Variants in THADA observed in about 807,000 individuals in gnomAD.
THADA encodes tRNA (32-2'-O)-methyltransferase regulator THADA.
A neutral mutation model predicts 219.8 loss-of-function variants in THADA; 213 were observed. The ratio of observed to expected loss-of-function variants is 0.97; its 90% CI spans 0.87 to 1.09. THADA has a LOEUF of 1.09. Among genes scored for constraint, THADA ranks in the 50% least tolerant of loss-of-function variants. The pLI, the probability that THADA is intolerant of heterozygous loss-of-function variation, is 0.00. For missense variants in THADA, 2,956 were observed against 2,311.3 expected (o/e 1.28, Z -5.72); for synonymous variants, 1,018 against 828.9 (o/e 1.23, Z -3.92).
chr2:43,364,607 T>C (rs1365402676), intron 29 of THADA, among the ~76,000 whole-genome samples: 1 of 152,244 alleles, frequency 6.6e-6, no homozygotes, highest in Non-Finnish European at 1.5e-5. Context: ...ACTGACACCA[T>C]GTACTGCATT....
At chr2:43,324,245 A>G (rs1235810016) in intron 30 of THADA, among the ~76,000 whole-genome samples, 1 of 152,238 alleles carries the variant, frequency 6.6e-6, no homozygotes, top group African/African-American at 2.4e-5. Context: ...GACGATCTTT[A>G]GAGCCTTCTG....
chr2:43,440,739 G>A (rs948661743), intron 26 of THADA, among the ~76,000 whole-genome samples: 1 of 152,160 alleles, frequency 6.6e-6, no homozygotes, highest in East Asian at 1.9e-4. Context: ...TTTCTTGGTT[G>A]AGTAAGAAAC....
chr2:43,430,588 C>T (rs961699603), intron 26 of THADA: 4 of 478,352 alleles, frequency 8.4e-6, no homozygotes, highest in East Asian at 6.1e-5. Flanking sequence ...GTAATCTGTG[C>T]CAATGCCAAG....
intron 30 of THADA, among the ~76,000 whole-genome samples, chr2:43,336,010 T>G (rs910571186): frequency 6.6e-5 from 10 of 150,924 alleles, no homozygotes; most frequent in African/African-American, 2.0e-4. Context: ...GGCAGGAGAA[T>G]GGCGTGAACC....
At chr2:43,395,759 T>C (rs1673953647) in intron 29 of THADA, among the ~76,000 whole-genome samples, 1 of 152,160 alleles carries the variant, frequency 6.6e-6, no homozygotes, top group Non-Finnish European at 1.5e-5. Flanking sequence ...AAGTTTACTT[T>C]TTTCTTTTTT....
At chr2:43,366,774 T>G (rs1285661930) in intron 29 of THADA, among the ~76,000 whole-genome samples, 1 of 152,158 alleles carries the variant, frequency 6.6e-6, no homozygotes, top group Non-Finnish European at 1.5e-5. Context: ...CAATACTACA[T>G]CTAGGGATAT....
chr2:43,525,039 C>G (rs1052615151), intron 22 of THADA, among the ~76,000 whole-genome samples: 20 of 152,182 alleles, frequency 1.3e-4, no homozygotes, highest in Non-Finnish European at 2.9e-4. Context: ...AACTAATCCC[C>G]TATCTCTAAC....
intron 30 of THADA, among the ~76,000 whole-genome samples, chr2:43,338,614 T>G (rs753148681): frequency 1.3e-5 from 2 of 152,238 alleles, no homozygotes; most frequent in Non-Finnish European, 1.5e-5. Flanking sequence ...ATATAGTATT[T>G]GTCTTTTTGT....
chr2:43,540,527 A>C (rs1207876672), intron 21 of THADA, among the ~76,000 whole-genome samples: 1 of 152,244 alleles, frequency 6.6e-6, no homozygotes, highest in Non-Finnish European at 1.5e-5. Flanking sequence ...TCTTTGCTGA[A>C]AAATGGTGGG....
intron 26 of THADA, among the ~76,000 whole-genome samples, chr2:43,441,436 C>T (rs188230853): frequency 6.6e-6 from 1 of 152,278 alleles, no homozygotes; most frequent in East Asian, 1.9e-4. Context: ...GAAGGATATG[C>T]AACATTAACA....
intron 19 of THADA, among the ~76,000 whole-genome samples, chr2:43,550,778 T>C (rs910519895): frequency 3.3e-5 from 5 of 152,200 alleles, no homozygotes; most frequent in African/African-American, 9.7e-5. Context: ...AGCTATAAGA[T>C]TGCATGTTCC....
chr2:43,579,386 T>C (rs2104075781), intron 8 of THADA, among the ~76,000 whole-genome samples: 1 of 152,358 alleles, frequency 6.6e-6, no homozygotes, highest in East Asian at 1.9e-4. Flanking sequence ...GCACTGACAC[T>C]GTACCCATAG....
At chr2:43,246,628 C>T (rs1669185801) in intron 36 of THADA, among the ~76,000 whole-genome samples, 1 of 152,168 alleles carries the variant, frequency 6.6e-6, no homozygotes, top group Non-Finnish European at 1.5e-5. Flanking sequence ...ATGCAATGAC[C>T]AAATCAAGGT....
chr2:43,276,590 A>T (rs1055269594), intron 36 of THADA, among the ~76,000 whole-genome samples: 1 of 152,166 alleles, frequency 6.6e-6, no homozygotes, highest in Non-Finnish European at 1.5e-5. Flanking sequence ...GGGACCGATA[A>T]CTAGATCTGT....
intron 25 of THADA, among the ~76,000 whole-genome samples, chr2:43,495,770 T>C (rs767465581): frequency 9.2e-5 from 14 of 152,242 alleles, no homozygotes; most frequent in Non-Finnish European, 2.9e-5. Context: ...GCAATATTGA[T>C]ATTTCTGACA....
intron 31 of THADA, among the ~76,000 whole-genome samples, chr2:43,307,191 C>T (rs1676961194): frequency 6.6e-6 from 1 of 152,178 alleles, no homozygotes; most frequent in Admixed American, 6.5e-5. Context: ...TTACAATTGC[C>T]TGAGCTTACT....
At chr2:43,407,064 G>A (rs1190595915) in intron 28 of THADA, among the ~76,000 whole-genome samples, 1 of 152,178 alleles carries the variant, frequency 6.6e-6, no homozygotes, top group Non-Finnish European at 1.5e-5. Context: ...GCCTTTCCTT[G>A]CAGGCAGTGG....
rs749595373 is a variant in THADA at position 43,485,289 on chromosome 2, T to A, written c.3781A>T (p.Ile1261Phe). The A allele has an allele frequency of 1.2e-6, 2 of 1,613,210 alleles. No homozygotes were observed. The highest frequency in any genetic ancestry group is 2.2e-5 in the East Asian group (1 of 44,798). ...NSSTLLFSAL[I>F]TRIFGVKRAK... ...CTTTTAACTCCAAAAATTCTTGTGA[T>A]CAAGGCACTAAAGAGAAGTGTGGAT... The change falls in exon 26 of 38, where the codon ATC becomes TTC. Residue 1261 changes from isoleucine to phenylalanine, a missense_variant. Coordinates refer to ENST00000405975, the MANE Select transcript of THADA (RefSeq NM_022065.5).
intron 31 of THADA, among the ~76,000 whole-genome samples, chr2:43,297,954 G>T (rs1675754241): frequency 2.1e-5 from 2 of 95,670 alleles, no homozygotes; most frequent in African/African-American, 6.4e-5. Flanking sequence ...GGAGGTGGGG[G>T]GGTCAGCCCC....
Sources: gnomAD v4.1 joint callset for allele counts (sites outside exome capture counted in the v4.1 genomes callset) on GRCh38, gnomAD v4.1.1 for gene constraint, MANE v1.5 for transcripts, NCBI Gene and HGNC (gene_info 2026-07-23, HGNC 2026-07-21) for gene names.